TRAPPC9: variants seen among roughly 807,000 people sequenced by gnomAD.
TRAPPC9 encodes IKK2 binding protein.
In TRAPPC9, 83 loss-of-function variants were observed where a neutral mutation model predicts 124.0. The observed-to-expected ratio is 0.67, with a 90% CI of 0.56 to 0.80. The LOEUF is 0.80. Ranked by LOEUF, TRAPPC9 falls within the 30% of genes least tolerant of loss-of-function variation. The probability of loss-of-function intolerance (pLI) is 0.00; values close to 1 mark genes in which losing one functional copy is unlikely to be tolerated. For synonymous variants in TRAPPC9, 638 were observed against 617.5 expected (o/e 1.03, Z -0.49); for missense variants, 1,302 against 1,508.3 (o/e 0.86, Z 2.27).
At chr8:140,132,445 G>A (rs924275681) in intron 17 of TRAPPC9, among the ~76,000 whole-genome samples, 3 of 152,156 alleles carry the variant, frequency 2.0e-5, no homozygotes, top group Admixed American at 2.0e-4. Flanking sequence ...CTCAGCCTCA[G>A]TAGATTGCCA....
intron 20 of TRAPPC9, among the ~76,000 whole-genome samples, chr8:139,888,323 C>T (rs1008700280): frequency 1.1e-4 from 16 of 152,202 alleles, no homozygotes; most frequent in Admixed American, 8.5e-4. Flanking sequence ...GGCACCCCCA[C>T]GAATGAGCTT....
At chr8:139,847,749 G>T (rs1389565751) in intron 21 of TRAPPC9, among the ~76,000 whole-genome samples, 1 of 151,478 alleles carries the variant, frequency 6.6e-6, no homozygotes, top group Non-Finnish European at 1.5e-5. Flanking sequence ...GCCTGCAGAT[G>T]GGCACGAGCA....
At chr8:139,898,512 C>T (rs559375718) in intron 20 of TRAPPC9, among the ~76,000 whole-genome samples, 1 of 152,338 alleles carries the variant, frequency 6.6e-6, no homozygotes, top group Admixed American at 6.5e-5. Context: ...TCCACCCACA[C>T]AAGCTTGTGT....
At chr8:140,118,477 C>T (rs1040610587) in intron 17 of TRAPPC9, among the ~76,000 whole-genome samples, 11 of 152,176 alleles carry the variant, frequency 7.2e-5, no homozygotes, top group African/African-American at 2.7e-4. Flanking sequence ...TCTTTCTAGC[C>T]CACAATGGTC....
At chr8:140,412,463 G>T (rs758848206) in intron 5 of TRAPPC9, among the ~76,000 whole-genome samples, 19 of 151,206 alleles carry the variant, frequency 1.3e-4, no homozygotes, top group Non-Finnish European at 2.4e-4. Flanking sequence ...AATAAGGTCT[G>T]GGGGGTAGAT....
intron 5 of TRAPPC9, among the ~76,000 whole-genome samples, chr8:140,406,745 G>A (rs1029873102): frequency 1.3e-5 from 2 of 152,204 alleles, no homozygotes; most frequent in Admixed American, 6.5e-5. Context: ...TCTGGTGAGG[G>A]AAGAAAGAAC....
chr8:140,204,601 A>G (rs1471062313), intron 17 of TRAPPC9, among the ~76,000 whole-genome samples: 1 of 152,076 alleles, frequency 6.6e-6, no homozygotes, highest in Admixed American at 6.5e-5. Context: ...GTGCACATGT[A>G]CCCTAGAACT....
chr8:139,732,011 A>T lies in TRAPPC9; in HGVS notation c.3247T>A (p.Phe1083Ile), dbSNP rs1438592745. 6.3e-7 allele frequency: 1 copy of T among 1,597,392 alleles called. No individual in the cohort carries two copies. Among genetic ancestry groups the T allele is most frequent in the East Asian group, 2.3e-5 (1 of 44,104 alleles). The change falls in exon 22 of 23, where the codon TTC becomes ATC. Residue 1083 changes from phenylalanine (F) to isoleucine (I), a missense_variant. Around this residue, in one of 3 missense-constraint regions of TRAPPC9, gnomAD observed 640 missense variants for 679.3 expected, o/e 0.94. Coordinates refer to ENST00000438773, the MANE Select transcript of TRAPPC9 (RefSeq NM_001160372.4). ...AGGTAGAAGGTGCTGGAGCCCACGAAGGAGACGGTGTCGTGCAGGTCGTAG... is the reference window on the plus strand; with the variant it reads ...AGGTAGAAGGTGCTGGAGCCCACGATGGAGACGGTGTCGTGCAGGTCGTAG... The part of the protein sequence containing the change: ...HNYDLHDTVS[F>I]VGSSTFYLDA...
chr8:139,993,454 C>T (rs1268033699), intron 18 of TRAPPC9, among the ~76,000 whole-genome samples: 2 of 152,188 alleles, frequency 1.3e-5, no homozygotes, highest in Non-Finnish European at 2.9e-5. Flanking sequence ...TACGGGAATT[C>T]CTGTCACTGC....
chr8:139,909,937 C>A (rs909607049), intron 20 of TRAPPC9, among the ~76,000 whole-genome samples: 2 of 152,214 alleles, frequency 1.3e-5, no homozygotes, highest in Non-Finnish European at 1.5e-5. Flanking sequence ...GACCTTTCCT[C>A]GCCCCCAATC....
At chr8:140,246,730 C>A (rs919404973) in intron 16 of TRAPPC9, among the ~76,000 whole-genome samples, 2 of 134,158 alleles carry the variant, frequency 1.5e-5, no homozygotes, top group African/African-American at 3.3e-5. Flanking sequence ...CACTTGTAAT[C>A]GCCCAGCACT....
intron 17 of TRAPPC9, among the ~76,000 whole-genome samples, chr8:140,179,325 T>TG (rs1185335996): frequency 1.3e-5 from 2 of 152,142 alleles, no homozygotes; most frequent in African/African-American, 4.8e-5. Flanking sequence ...GATTTCTTCT[T>TG]GGAGCCCACG....
In TRAPPC9 at chr8:140,063,627, T is replaced by C. The variant is rs1237632253; in HGVS notation, c.2557-39548A>G. ...ATCAGTAAAAACAGTACCTGAGTAC[T>C]AGTCACACTATAAGATTTAGTGCAT... On this transcript the variant is annotated intron_variant, in intron 17 of 22. Transcript: ENST00000438773. The surrounding 1 kb of genome is among the most constrained non-coding windows in gnomAD (Gnocchi z 4.3). Among the ~76,000 whole-genome samples the C allele has an allele frequency of 1.3e-5, 2 of 152,238 alleles. No homozygotes were observed. The highest frequency in any genetic ancestry group is 2.9e-5 in the Non-Finnish European group (2 of 68,048).
intron 6 of TRAPPC9, among the ~76,000 whole-genome samples, chr8:140,401,817 G>A (rs1002266061): frequency 6.6e-6 from 1 of 151,600 alleles, no homozygotes; most frequent in African/African-American, 2.4e-5. Context: ...GTAGAGGCGG[G>A]GTTTTGCCAT....
chr8:139,899,120 C>CAAAAAA (rs33927933), intron 20 of TRAPPC9, among the ~76,000 whole-genome samples: 2 of 45,442 alleles, frequency 4.4e-5, no homozygotes, highest in Admixed American at 2.9e-4. Flanking sequence ...AACTCCGTCT[C>CAAAAAA]AAAAAAAAAA....
chr8:140,347,141 C>G (rs923297517), intron 9 of TRAPPC9, among the ~76,000 whole-genome samples: 1 of 152,248 alleles, frequency 6.6e-6, no homozygotes, highest in Non-Finnish European at 1.5e-5. Flanking sequence ...GGAGCCCCCA[C>G]CATTAGAGCG....
At chr8:139,790,342 A>C (rs577924301) in intron 21 of TRAPPC9, among the ~76,000 whole-genome samples, 1 of 152,304 alleles carries the variant, frequency 6.6e-6, no homozygotes, top group South Asian at 2.1e-4. Context: ...AGTTTCAGAA[A>C]CTGTGCGCTG....
At position 139,969,076 on chromosome 8, in the gene TRAPPC9, C is replaced by G; in HGVS notation, c.2810+19650G>C. ...CAGCCACATTCTCTGAACACACGTACGCACACTGCACGTGGATCGTGCATG... is the reference window on the plus strand; with the variant it reads ...CAGCCACATTCTCTGAACACACGTAGGCACACTGCACGTGGATCGTGCATG... On this transcript the variant is annotated intron_variant, in intron 19 of 22. Coordinates refer to ENST00000438773, the MANE Select transcript of TRAPPC9 (RefSeq NM_001160372.4). 3.3e-5 allele frequency among the ~76,000 whole-genome samples: 5 copies of G among 152,302 alleles called. 1 individual carries two copies. The highest frequency in any genetic ancestry group is 3.3e-4 in the Admixed American group (5 of 15,306).
rs61378542 is a variant in TRAPPC9 at position 140,090,459 on chromosome 8, A to G, written c.2557-66380T>C. The stretch of plus-strand genomic sequence containing the variant: ...GGCAAGTTTCATTTCTTCACCTGAC[A>G]TTAAACAGCTTATACTCTTAAAAAA... On this transcript the variant is annotated intron_variant, in intron 17 of 22. Coordinates refer to ENST00000438773, the MANE Select transcript of TRAPPC9 (RefSeq NM_001160372.4). Among the ~76,000 whole-genome samples the G allele has an allele frequency of 9.8e-3, 1,497 of 152,308 alleles. 22 individuals carry two copies. Among genetic ancestry groups the G allele is most frequent in the African/African-American group, 0.034 (1,416 of 41,558 alleles).
Sources: gnomAD v4.1 joint callset for allele counts (sites outside exome capture counted in the v4.1 genomes callset) on GRCh38, gnomAD v4.1.1 for gene constraint, gnomAD v4.1.1 regional missense constraint, Gnocchi (gnomAD v3.1) non-coding constraint, MANE v1.5 for transcripts, NCBI Gene and HGNC (gene_info 2026-07-23, HGNC 2026-07-21) for gene names.